Variants in ZNF226 observed in about 807,000 individuals in gnomAD.
The protein encoded by ZNF226 is Kruppel-associated box protein.
Under a neutral mutation model 11.4 loss-of-function variants are expected in ZNF226, and 6 were observed. The observed-to-expected ratio is 0.53, with a 90% confidence interval of 0.29 to 1.04. ZNF226 has a LOEUF of 1.04. ZNF226 is among the 50% of genes least tolerant of loss of function. The probability of loss-of-function intolerance (pLI) is 0.08; values close to 1 mark genes in which losing one functional copy is unlikely to be tolerated. For synonymous variants in ZNF226, 350 were observed against 322.8 expected (o/e 1.08, Z -0.90); for missense variants, 1,058 against 956.5 (o/e 1.11, Z -1.40).
chr19:44,195,488 A>G, the ZNF226 span, among the ~76,000 whole-genome samples: 1 of 152,220 alleles, frequency 6.6e-6, no homozygotes, highest in Non-Finnish European at 1.5e-5. Flanking sequence ...GAGTATTGCA[A>G]TGGGAATATA....
At chr19:44,172,803 C>T in intron 4 of ZNF226, 57 bp from the exon 5 acceptor site, 1 of 1,408,274 alleles carries the variant, frequency 7.1e-7, no homozygotes, top group Middle Eastern at 1.8e-4. Flanking sequence ...CTCAGATTTC[C>T]AGTGTATTTT....
At chr19:44,181,188 G>A (rs1970901444), downstream of ZNF226, among the ~76,000 whole-genome samples, 1 of 152,120 alleles carries the variant, frequency 6.6e-6, no homozygotes, top group African/African-American at 2.4e-5. Context: ...AGATTAGCCT[G>A]GGCAATATAG....
chr19:44,172,307 CTT>C, intron 4 of ZNF226, 93 bp downstream of exon 4: 2 of 1,489,366 alleles, frequency 1.3e-6, no homozygotes, highest in Non-Finnish European at 1.8e-6. Context: ...GGGAATCTGA[CTT>C]TCCTAATTTT....
chr19:44,185,484 A>G, the ZNF226 span, among the ~76,000 whole-genome samples: 3 of 152,098 alleles, frequency 2.0e-5, no homozygotes, highest in African/African-American at 7.2e-5. Context: ...TTTGATTTGC[A>G]TTTTCTAAAA....
chr19:44,174,095 T>C (rs1970428360), intron 5 of ZNF226: 1 of 152,160 alleles, frequency 6.6e-6, no homozygotes, highest in Non-Finnish European at 1.5e-5. Flanking sequence ...TTGCAAAATA[T>C]TTTTTGTCTT....
chr19:44,190,982 C>G, the ZNF226 span, among the ~76,000 whole-genome samples: 1 of 152,042 alleles, frequency 6.6e-6, no homozygotes, highest in African/African-American at 2.4e-5. Flanking sequence ...ACTTGGAAGA[C>G]AAAACATTTC....
the ZNF226 span, among the ~76,000 whole-genome samples, chr19:44,184,871 A>G: frequency 1.7e-3 from 252 of 152,364 alleles, 5 homozygotes; most frequent in African/African-American, 5.9e-3. Flanking sequence ...ACAGATCTAT[A>G]GAACTTTTCA....
At position 44,172,080 on chromosome 19, in the gene ZNF226, T is replaced by C; in HGVS notation, c.16-8T>C. 3.7e-6 allele frequency: 6 copies of C among 1,609,508 alleles called. No homozygotes were observed. The highest frequency in any genetic ancestry group is 5.1e-6 in the Non-Finnish European group (6 of 1,177,006). ...TTGTAAGATTGAGGTCATTTGTTTT[T>C]GTCGTAGGAAGCAGTGACCTTCAAG... On this transcript the variant is annotated splice_region_variant and splice_polypyrimidine_tract_variant and intron_variant, in intron 3 of 5. Coordinates refer to ENST00000337433, the MANE Select transcript of ZNF226 (RefSeq NM_001032373.2).
At chr19:44,166,432 C>T (rs969978687) in intron 2 of ZNF226, among the ~76,000 whole-genome samples, 1 of 151,856 alleles carries the variant, frequency 6.6e-6, no homozygotes, top group Non-Finnish European at 1.5e-5. Context: ...ACCCAGGAGG[C>T]GAGGCTGCAG....
chr19:44,176,940 AAGTGTGAGGAGTG>A lies in ZNF226; in HGVS notation c.1679_1691del (p.Lys560MetfsTer16), dbSNP rs755016120. On this transcript the variant is annotated frameshift_variant, in exon 6 of 6. Transcript: ENST00000337433. LOFTEE classifies it low-confidence loss of function (END_TRUNC). ...GGCCCACAGTATAGAGAAACCTTTT[AAGTGTGAGGAGTG>A]TGGGCAGGGTTTCAATCAGAGCTCA... 9 of 1,613,808 alleles carry A rather than the reference AAGTGTGAGGAGTG, an allele frequency of 5.6e-6. No homozygotes were observed. The highest frequency in any genetic ancestry group is 7.6e-6 in the Non-Finnish European group (9 of 1,179,898).
Position 44,175,605 on chromosome 19 carries a change from C to G in ZNF226, c.343C>G (p.Gln115Glu). 1.9e-6 allele frequency: 3 copies of G among 1,613,882 alleles called. No homozygotes were observed. Among genetic ancestry groups the G allele is most frequent in the Non-Finnish European group, 2.5e-6 (3 of 1,179,836 alleles). ...AATTGCAAATGACTTAACCAGGTGTCAAGACTCCATGATCAATAATTCTCA... is the reference window on the plus strand; with the variant it reads ...AATTGCAAATGACTTAACCAGGTGTGAAGACTCCATGATCAATAATTCTCA... ...QQIANDLTRCQDSMINNSQCH... is the reference protein window; with the variant it reads ...QQIANDLTRCEDSMINNSQCH... Residue 115 changes from glutamine to glutamate, a missense_variant, in exon 6 of 6, where the codon CAA (glutamine) becomes GAA (glutamate). Gln to Glu is a conservative substitution (Grantham distance 29, BLOSUM62 2). Transcript: ENST00000337433.
At chr19:44,199,449 C>A in the ZNF226 span, among the ~76,000 whole-genome samples, 2 of 152,316 alleles carry the variant, frequency 1.3e-5, no homozygotes, top group South Asian at 4.1e-4. Context: ...CTCCTGTTTT[C>A]TCTCACAATC....
At chr19:44,179,559 A>C (rs1267859455), downstream of ZNF226, among the ~76,000 whole-genome samples, 1 of 152,206 alleles carries the variant, frequency 6.6e-6, no homozygotes, top group East Asian at 1.9e-4. Flanking sequence ...CAGTGAATGC[A>C]TTTGAAGCTG....
At chr19:44,175,179 C>T in intron 5 of ZNF226, 1 of 1,445,004 alleles carries the variant, frequency 6.9e-7, no homozygotes, top group Non-Finnish European at 9.0e-7. Flanking sequence ...ACTGTGAGCA[C>T]TACAAAATGT....
At chr19:44,195,711 G>T in the ZNF226 span, among the ~76,000 whole-genome samples, 1 of 152,166 alleles carries the variant, frequency 6.6e-6, no homozygotes, top group East Asian at 1.9e-4. Flanking sequence ...AGGTTGTTGT[G>T]ATTTTTGCAG....
chr19:44,175,131 A>ATGACTG (rs1477626887), intron 5 of ZNF226: 1 of 1,545,130 alleles, frequency 6.5e-7, no homozygotes, highest in Non-Finnish European at 8.7e-7. Context: ...GTGACTATGA[A>ATGACTG]TGACTGCCGG....
intron 3 of ZNF226, among the ~76,000 whole-genome samples, chr19:44,170,535 G>T (rs922141432): frequency 2.6e-5 from 4 of 152,136 alleles, no homozygotes; most frequent in African/African-American, 9.7e-5. Context: ...AGGAGATCGA[G>T]ACCATCCTGG....
chr19:44,190,424 C>T, the ZNF226 span, among the ~76,000 whole-genome samples: 1 of 152,068 alleles, frequency 6.6e-6, no homozygotes, highest in Non-Finnish European at 1.5e-5. Flanking sequence ...AGCTCCGCCT[C>T]CCGGGTTCCT....
rs749985054 is a variant in ZNF226, at chr19:44,176,033, T to TA, written c.777dup (p.Pro260ThrfsTer4). 8.1e-6 allele frequency: 13 copies of TA among 1,613,786 alleles called. No homozygotes were observed. The African/African-American group carries it at 1.7e-4, about 22-fold the overall frequency. On this transcript the variant is annotated frameshift_variant, in exon 6 of 6. Coordinates refer to ENST00000337433, the MANE Select transcript of ZNF226 (RefSeq NM_001032373.2). LOFTEE classifies it low-confidence loss of function (END_TRUNC). Reference sequence around the variant, plus strand: ...AGAAATCGTACCAGTGTAATGAGTGTAAAAAACCCTTCAGTGATCTCTCCA... The same window carrying TA: ...AGAAATCGTACCAGTGTAATGAGTGTAAAAAAACCCTTCAGTGATCTCTCCA...
Sources: allele counts gnomAD v4.1 joint callset (sites outside exome capture counted in the v4.1 genomes callset), GRCh38; gene constraint gnomAD v4.1.1; transcripts MANE v1.5; gene names NCBI Gene and HGNC (gene_info 2026-07-23, HGNC 2026-07-21).